PTGFR: variants seen among roughly 807,000 people sequenced by gnomAD.
The protein encoded by PTGFR is prostaglandin F receptor, also known as prostaglandin F2-alpha receptor.
In PTGFR, 15 loss-of-function variants were observed where a neutral mutation model predicts 26.2. The ratio of observed to expected loss-of-function variants is 0.57; its 90% CI spans 0.38 to 0.88. The LOEUF (loss-of-function observed/expected upper bound fraction) is 0.88, where lower values mean the gene tolerates loss of function less well. Ranked by LOEUF, PTGFR falls within the 40% of genes least tolerant of loss-of-function variation. The probability of loss-of-function intolerance (pLI) is 0.00; values close to 1 mark genes in which losing one functional copy is unlikely to be tolerated. For missense variants in PTGFR, 369 were observed against 427.2 expected, an observed-to-expected ratio of 0.86 and a Z score of 1.20; for synonymous variants, 165 against 151.1, an observed-to-expected ratio of 1.09 and a Z score of -0.68.
intron 2 of PTGFR, among the ~76,000 whole-genome samples, chr1:78,512,648 C>T (rs1377543106): frequency 2.0e-5 from 3 of 152,196 alleles, no homozygotes; most frequent in Non-Finnish European, 4.4e-5. Context: ...GACCTAAACA[C>T]CTTTCTCCAG....
intron 2 of PTGFR, among the ~76,000 whole-genome samples, chr1:78,516,627 T>C (rs1366704203): frequency 1.3e-5 from 2 of 152,222 alleles, no homozygotes; most frequent in Non-Finnish European, 2.9e-5. Flanking sequence ...TGATAACTTT[T>C]TCTATCTCCA....
chr1:78,536,362 G>A, intron 2 of PTGFR, 44 bp from the exon 3 acceptor site: 1 of 1,552,048 alleles, frequency 6.4e-7, no homozygotes, highest in Non-Finnish European at 8.7e-7. Context: ...TTATAGGATT[G>A]AAAAGGCTGC....
chr1:78,493,241 A>T lies in PTGFR; in HGVS notation c.498A>T (p.Ile166=). The part of the protein sequence containing the change: ...LSGVCLFAVF[I]ALLPILGHRD... Reference sequence around the variant, plus strand: ...GTGTGTGCTTGTTTGCTGTTTTCATAGCTTTGCTGCCCATCCTTGGACATC... The same window carrying T: ...GTGTGTGCTTGTTTGCTGTTTTCATTGCTTTGCTGCCCATCCTTGGACATC... The change falls in exon 2 of 3, where the codon ATA becomes ATT. Residue 166 remains isoleucine (I), a synonymous_variant. Coordinates refer to ENST00000370757, the MANE Select transcript of PTGFR (RefSeq NM_000959.4). 6.2e-7 allele frequency: 1 copy of T among 1,614,194 alleles called. No individual in the cohort carries two copies. The highest frequency in any genetic ancestry group is 8.5e-7 in the Non-Finnish European group (1 of 1,180,022).
At chr1:78,528,998 G>T (rs1650442770) in intron 2 of PTGFR, among the ~76,000 whole-genome samples, 1 of 151,316 alleles carries the variant, frequency 6.6e-6, no homozygotes. Flanking sequence ...AGATGCCCAG[G>T]CACAAAAGAC....
chr1:78,492,282 CA>C (rs1649420902), intron 1 of PTGFR, among the ~76,000 whole-genome samples: 1 of 152,296 alleles, frequency 6.6e-6, no homozygotes, highest in Admixed American at 6.5e-5. Context: ...AAAGAGAAGA[CA>C]CTTTAAAAGG....
Position 78,492,925 on chromosome 1 carries a change from A to C in PTGFR, c.182A>C (p.Lys61Thr). 6.2e-7 allele frequency: 1 copy of C among 1,614,258 alleles called. No individual in the cohort carries two copies. Among genetic ancestry groups the C allele is most frequent in the Non-Finnish European group, 8.5e-7 (1 of 1,180,042 alleles). The stretch of plus-strand genomic sequence containing the variant: ...AAGGCATATCAGAGATTTAGACAGA[A>C]GTCCAAGGCATCGTTTCTGCTTTTG... The part of the protein sequence containing the change: ...LMKAYQRFRQ[K>T]SKASFLLLAS... The change falls in exon 2 of 3, where the codon AAG becomes ACG. Residue 61 changes from lysine to threonine, a missense_variant. Lys to Thr is a moderately conservative substitution (Grantham distance 78). Transcript: ENST00000370757.
chr1:78,506,235 T>C (rs372506905), intron 2 of PTGFR, among the ~76,000 whole-genome samples: 16 of 152,002 alleles, frequency 1.1e-4, no homozygotes, highest in African/African-American at 3.9e-4. Flanking sequence ...TTTATTATAA[T>C]GGCTTTAGTG....
intron 1 of PTGFR, among the ~76,000 whole-genome samples, chr1:78,491,639 G>A (rs1409610400): frequency 6.6e-6 from 1 of 152,226 alleles, no homozygotes; most frequent in African/African-American, 2.4e-5. Flanking sequence ...CGTTAGTTTG[G>A]AGGGAATGTT....
rs1650722428 is a variant in PTGFR at position 78,538,797 on chromosome 1, G to A, written c.*2110G>A. 1 of 152,014 alleles carries A rather than the reference G, an allele frequency of 6.6e-6. No homozygotes were observed. The highest frequency in any genetic ancestry group is 1.5e-5 in the Non-Finnish European group (1 of 67,972). The allele number at this position is 152,014 out of a possible 1,614,324, so 9.4% of individuals were successfully genotyped here. A position where few individuals can be genotyped will look rare whatever the true frequency, so the allele number is the denominator to read the frequency against. Reference sequence around the variant, plus strand: ...AATAGTAAAATAAATGGCACAAATAGTTTCAATAAATTTACCAATTTGAGT... The same window carrying A: ...AATAGTAAAATAAATGGCACAAATAATTTCAATAAATTTACCAATTTGAGT... On this transcript the variant is annotated 3_prime_UTR_variant, in exon 3 of 3. Transcript: ENST00000370757.
In PTGFR at chr1:78,540,374, A is replaced by G. The variant is rs1385827265; in HGVS notation, c.*3687A>G. ...TAATGATTTCCACATTAGGTAAAAA[A>G]AATTTTCATTCTTGTCTTCCTAATA... On this transcript the variant is annotated 3_prime_UTR_variant, in exon 3 of 3. Transcript: ENST00000370757. 1.3e-5 allele frequency among the ~76,000 whole-genome samples: 2 copies of G among 152,134 alleles called. No homozygotes were observed. Among genetic ancestry groups the G allele is most frequent in the Non-Finnish European group, 2.9e-5 (2 of 68,024 alleles).
intron 2 of PTGFR, among the ~76,000 whole-genome samples, chr1:78,533,853 T>C (rs1461671525): frequency 1.3e-5 from 2 of 152,142 alleles, no homozygotes; most frequent in Non-Finnish European, 2.9e-5. Flanking sequence ...TGTTAACAGT[T>C]GATAGAATTG....
intron 2 of PTGFR, among the ~76,000 whole-genome samples, chr1:78,531,563 G>A (rs769380088): frequency 1.3e-5 from 2 of 152,126 alleles, no homozygotes; most frequent in Non-Finnish European, 2.9e-5. Flanking sequence ...CTTTTGGGCA[G>A]ACCAGAAGTT....
intron 2 of PTGFR, among the ~76,000 whole-genome samples, chr1:78,508,176 C>A: frequency 6.6e-6 from 1 of 152,024 alleles, no homozygotes; most frequent in East Asian, 1.9e-4. Flanking sequence ...GTTTTTTCCT[C>A]ATGAAATGCT....
chr1:78,505,337 G>C (rs568335209), intron 2 of PTGFR, among the ~76,000 whole-genome samples: 12 of 151,910 alleles, frequency 7.9e-5, no homozygotes, highest in African/African-American at 2.9e-4. Flanking sequence ...TGGCAAGGCT[G>C]GTCTCAAACT....
chr1:78,526,387 C>T (rs144174247), intron 2 of PTGFR, among the ~76,000 whole-genome samples: 1,594 of 152,098 alleles, frequency 0.01, 19 homozygotes, highest in Non-Finnish European at 0.013. Context: ...TTGCCTTTTG[C>T]TGTATGTTTG....
At chr1:78,501,003 CT>C (rs33988664) in intron 2 of PTGFR, among the ~76,000 whole-genome samples, 22 of 148,578 alleles carry the variant, frequency 1.5e-4, no homozygotes, top group Admixed American at 2.7e-4. Context: ...AAAACATGAC[CT>C]TTTTTTTTTA....
At position 78,492,817 on chromosome 1, in the gene PTGFR, A is replaced by G. The variant is rs746219430; in HGVS notation, c.74A>G (p.Glu25Gly). ...ALLSNTTCQTENRLSVFFSVI... is the reference protein window; with the variant it reads ...ALLSNTTCQTGNRLSVFFSVI... Reference sequence around the variant, plus strand: ...CTTTCAAACACAACCTGCCAGACGGAAAACCGGCTTTCCGTATTTTTTTCA... The same window carrying G: ...CTTTCAAACACAACCTGCCAGACGGGAAACCGGCTTTCCGTATTTTTTTCA... Residue 25 changes from glutamate to glycine, a missense_variant, in exon 2 of 3, where the codon GAA (glutamate) becomes GGA (glycine). Physicochemically the swap from Glu to Gly is moderately conservative, Grantham distance 98 (BLOSUM62 -2). Transcript: ENST00000370757. 1.2e-6 allele frequency: 2 copies of G among 1,614,234 alleles called. No individual in the cohort carries two copies.
At chr1:78,497,588 C>G (rs1317820741) in intron 2 of PTGFR, among the ~76,000 whole-genome samples, 3 of 152,070 alleles carry the variant, frequency 2.0e-5, no homozygotes, top group African/African-American at 7.2e-5. Flanking sequence ...AATATGCAAG[C>G]CTAAAAGGAA....
chr1:78,534,666 G>C (rs1053191344), intron 2 of PTGFR, among the ~76,000 whole-genome samples: 3 of 151,730 alleles, frequency 2.0e-5, no homozygotes, highest in Non-Finnish European at 4.4e-5. Context: ...TACACTCCAG[G>C]CTTTTTTCTA....
Sources: allele counts gnomAD v4.1 joint callset (sites outside exome capture counted in the v4.1 genomes callset), GRCh38; gene constraint gnomAD v4.1.1; transcripts MANE v1.5; gene names NCBI Gene and HGNC (gene_info 2026-07-23, HGNC 2026-07-21).